The following C9orf153 variants were observed in gnomAD, a reference collection of about 807,000 sequenced individuals.
The protein encoded by C9orf153 is chromosome 9 open reading frame 153, also known as uncharacterized protein C9orf153.
A neutral mutation model predicts 9.0 loss-of-function variants in C9orf153; 10 were observed. The observed-to-expected ratio is 1.11, with a 90% CI of 0.69 to 1.89. C9orf153 has a LOEUF of 1.89. Among genes scored for constraint, C9orf153 ranks in the 40% most tolerant of loss-of-function variants. The pLI is 0.00. For missense variants in C9orf153, 108 were observed against 111.0 expected, an observed-to-expected ratio of 0.97 and a Z score of 0.12; for synonymous variants, 35 against 37.3, an observed-to-expected ratio of 0.94 and a Z score of 0.23.
chr9:86,245,504 T>C (rs1470946466), intron 1 of C9orf153, among the ~76,000 whole-genome samples: 1 of 152,132 alleles, frequency 6.6e-6, no homozygotes, highest in Non-Finnish European at 1.5e-5. Flanking sequence ...AATCATACAA[T>C]ATTGGTTTCT....
chr9:86,221,958 T>C (rs1824213435), intron 3 of C9orf153, among the ~76,000 whole-genome samples: 2 of 152,140 alleles, frequency 1.3e-5, no homozygotes, highest in Non-Finnish European at 2.9e-5. Flanking sequence ...CGATATCGGC[T>C]CATCACAACC....
chr9:86,242,359 C>CTAT (rs1824765550), intron 1 of C9orf153, among the ~76,000 whole-genome samples: 2 of 150,026 alleles, frequency 1.3e-5, no homozygotes, highest in Admixed American at 1.3e-4. Context: ...GGCTTACATT[C>CTAT]TTTTTTTTTT....
At chr9:86,253,280 A>C (rs1825035260) in intron 1 of C9orf153, among the ~76,000 whole-genome samples, 1 of 152,214 alleles carries the variant, frequency 6.6e-6, no homozygotes, top group African/African-American at 2.4e-5. Flanking sequence ...GCTGATAAAA[A>C]GCCCTTTGGA....
At chr9:86,231,029 C>A (rs1824458427) in intron 1 of C9orf153, among the ~76,000 whole-genome samples, 2 of 152,114 alleles carry the variant, frequency 1.3e-5, no homozygotes, top group Admixed American at 1.3e-4. Flanking sequence ...GCCTGAGCCA[C>A]CATGTAAAGA....
At chr9:86,239,943 C>T (rs1824694436) in intron 1 of C9orf153, among the ~76,000 whole-genome samples, 1 of 152,126 alleles carries the variant, frequency 6.6e-6, no homozygotes, top group African/African-American at 2.4e-5. Flanking sequence ...CAGGGTAAGA[C>T]ACCCCGATGG....
rs34559572 is a variant in C9orf153 at position 86,240,377 on chromosome 9, C to CTT, written c.-26-10750_-26-10749dup. Among the ~76,000 whole-genome samples, 397 of 135,868 alleles carry CTT rather than the reference C, an allele frequency of 2.9e-3. 4 individuals are homozygous for CTT. In the South Asian group the frequency reaches 0.032, roughly 11 times the overall value. 89.1% of individuals were successfully genotyped at this position (135,868 alleles called of 152,430 possible). On this transcript the variant is annotated intron_variant, in intron 1 of 3. Coordinates refer to ENST00000339137, the MANE Select transcript of C9orf153 (RefSeq NM_001276366.4). ...CAATTTAATTTGCTTTCTTCTTTTC[C>CTT]TTTTTTTTTTTTTTTTGGCAATAGA...
At chr9:86,240,575 A>G (rs11141313) in intron 1 of C9orf153, among the ~76,000 whole-genome samples, 1 of 151,558 alleles carries the variant, frequency 6.6e-6, no homozygotes, top group Admixed American at 6.6e-5. Flanking sequence ...ACGGGGTTTC[A>G]CCATGTTGGC....
At chr9:86,238,639 T>C (rs1350603828) in intron 1 of C9orf153, among the ~76,000 whole-genome samples, 7 of 152,310 alleles carry the variant, frequency 4.6e-5, no homozygotes, top group Admixed American at 4.6e-4. Flanking sequence ...AGTGGAACTT[T>C]TACTTTCCTT....
chr9:86,228,483 C>T (rs1317492949), intron 2 of C9orf153, among the ~76,000 whole-genome samples: 2 of 152,070 alleles, frequency 1.3e-5, no homozygotes, highest in Non-Finnish European at 2.9e-5. Context: ...TCCAAAGAGC[C>T]CATAATGTTC....
intron 1 of C9orf153, among the ~76,000 whole-genome samples, chr9:86,230,828 G>T (rs1306930923): frequency 6.6e-6 from 1 of 152,182 alleles, no homozygotes; most frequent in African/African-American, 2.4e-5. Context: ...TCTGCAAGAC[G>T]TTAAAAATGG....
chr9:86,233,809 G>A (rs1824521188), intron 1 of C9orf153, among the ~76,000 whole-genome samples: 2 of 152,270 alleles, frequency 1.3e-5, no homozygotes, highest in South Asian at 4.1e-4. Flanking sequence ...TTTCGGCCGG[G>A]CGCGGTGACT....
At chr9:86,240,219 C>A (rs530440560) in intron 1 of C9orf153, among the ~76,000 whole-genome samples, 2 of 152,082 alleles carry the variant, frequency 1.3e-5, no homozygotes, top group Non-Finnish European at 2.9e-5. Context: ...AAGGTAAGCA[C>A]CCCTTCCCTA....
intron 1 of C9orf153, among the ~76,000 whole-genome samples, chr9:86,255,400 T>C (rs1825099434): frequency 6.6e-6 from 1 of 152,212 alleles, no homozygotes; most frequent in South Asian, 2.1e-4. Flanking sequence ...TCGTACACAA[T>C]CTGCCTTGAT....
chr9:86,240,567 G>C (rs1002777987), intron 1 of C9orf153, among the ~76,000 whole-genome samples: 1 of 151,492 alleles, frequency 6.6e-6, no homozygotes, highest in Non-Finnish European at 1.5e-5. Flanking sequence ...TAGGAGAGAC[G>C]GGGTTTCACC....
rs993851159 is a variant in C9orf153, at chr9:86,228,050, T to G, written c.67-20A>C. On this transcript the variant is annotated intron_variant, in intron 2 of 3. Transcript: ENST00000339137. ...TGGAAGCTGTGGACAAAAAAAAAAG[T>G]GGTAAGTCACGAGACTGACAAAAAT... The G allele has an allele frequency of 5.5e-5, 85 of 1,539,576 alleles. No homozygotes were observed. Among genetic ancestry groups the G allele is most frequent in the Non-Finnish European group, 6.5e-5 (74 of 1,136,962 alleles).
intron 1 of C9orf153, among the ~76,000 whole-genome samples, chr9:86,245,905 C>T (rs4484780): frequency 0.54 from 81,504 of 152,092 alleles, 23,681 homozygotes; most frequent in East Asian, 0.83. Flanking sequence ...CACATTCCTG[C>T]TTTCCCCTAA....
chr9:86,248,152 G>A (rs188949761), intron 1 of C9orf153, among the ~76,000 whole-genome samples: 1 of 151,968 alleles, frequency 6.6e-6, no homozygotes, highest in African/African-American at 2.4e-5. Flanking sequence ...TTGTTTTTTT[G>A]AGACTGAGTC....
At chr9:86,235,130 C>CA (rs1240187715) in intron 1 of C9orf153, among the ~76,000 whole-genome samples, 1 of 151,734 alleles carries the variant, frequency 6.6e-6, no homozygotes. Context: ...GATTATAAGG[C>CA]AAAAAAACAG....
intron 1 of C9orf153, among the ~76,000 whole-genome samples, chr9:86,246,326 G>A (rs1824863295): frequency 6.6e-6 from 1 of 152,168 alleles, no homozygotes; most frequent in Admixed American, 6.5e-5. Context: ...TCACTGAGGG[G>A]TGAAGGAGTT....
Sources: gnomAD v4.1 joint callset for allele counts (sites outside exome capture counted in the v4.1 genomes callset) on GRCh38, gnomAD v4.1.1 for gene constraint, MANE v1.5 for transcripts, NCBI Gene and HGNC (gene_info 2026-07-23, HGNC 2026-07-21) for gene names.